SUCO: variants seen among roughly 807,000 people sequenced by gnomAD.
SUCO encodes the protein SUN domain containing ossification factor, also known as SUN domain-containing ossification factor.
Under a neutral mutation model 148.1 loss-of-function variants are expected in SUCO, and 57 were observed. That is an observed-to-expected ratio of 0.38 (90% CI 0.31 to 0.48). The LOEUF is 0.48. SUCO is among the 20% of genes least tolerant of loss of function. The pLI, the probability that SUCO is intolerant of heterozygous loss-of-function variation, is 0.96. For synonymous variants in SUCO, 470 were observed against 502.7 expected, an observed-to-expected ratio of 0.93 and a Z score of 0.87; for missense variants, 1,331 against 1,468.2, an observed-to-expected ratio of 0.91 and a Z score of 1.53.
intron 11 of SUCO, chr1:172,576,795 C>A: frequency 3.4e-6 from 2 of 585,606 alleles, no homozygotes; most frequent in Non-Finnish European, 4.3e-6. Context: ...AGAATTGAGT[C>A]TAAAGGCAAG....
chr1:172,532,477 G>A (rs75760494), upstream of SUCO: 1 of 1,611,910 alleles, frequency 6.2e-7, no homozygotes, highest in Non-Finnish European at 8.5e-7. Context: ...AATCAGATGA[G>A]AGGATTCTTG....
chr1:172,538,088 C>CA (rs1652159898), intron 1 of SUCO, among the ~76,000 whole-genome samples: 1 of 152,168 alleles, frequency 6.6e-6, no homozygotes, highest in Admixed American at 6.5e-5. Flanking sequence ...AACCACCTGA[C>CA]AGAGGATGAG....
chr1:172,569,665 C>G (rs1208585616), intron 7 of SUCO, among the ~76,000 whole-genome samples: 3 of 151,730 alleles, frequency 2.0e-5, no homozygotes, highest in Non-Finnish European at 4.4e-5. Context: ...TGTAACAAAC[C>G]TGCACATCTT....
intron 17 of SUCO, among the ~76,000 whole-genome samples, chr1:172,586,441 A>C (rs1299222084): frequency 6.6e-6 from 1 of 152,194 alleles, no homozygotes; most frequent in East Asian, 1.9e-4. Context: ...CCCAGGTTGC[A>C]GTGGGGACAC....
intron 4 of SUCO, 152 bp from the exon 5 acceptor site, chr1:172,557,128 A>C: frequency 7.2e-7 from 1 of 1,393,986 alleles, no homozygotes; most frequent in Non-Finnish European, 9.3e-7. Context: ...GCTGAGGACA[A>C]TAACAGATCA....
At chr1:172,558,588 G>A (rs562155673) in intron 6 of SUCO, among the ~76,000 whole-genome samples, 5 of 152,082 alleles carry the variant, frequency 3.3e-5, no homozygotes, top group African/African-American at 9.6e-5. Flanking sequence ...CTTCACTTAC[G>A]ACTAACTAAA....
At chr1:172,593,094 G>C (rs530822463) in intron 19 of SUCO, among the ~76,000 whole-genome samples, 1 of 152,128 alleles carries the variant, frequency 6.6e-6, no homozygotes, top group South Asian at 2.1e-4. Context: ...TTGGTGTATA[G>C]GAATGCTTGT....
At chr1:172,599,496 G>T (rs1657360282) in intron 19 of SUCO, 1 of 571,534 alleles carries the variant, frequency 1.7e-6, no homozygotes, top group Non-Finnish European at 2.2e-6. Flanking sequence ...AAAACAGATG[G>T]AAAGATAGGC....
intron 19 of SUCO, among the ~76,000 whole-genome samples, chr1:172,594,760 T>G (rs1358595210): frequency 6.6e-6 from 1 of 152,224 alleles, no homozygotes; most frequent in Non-Finnish European, 1.5e-5. Flanking sequence ...TTTGTTGATT[T>G]AGGGTGGAGA....
Position 172,579,256 on chromosome 1 carries a change from G to A in SUCO, c.1487G>A (p.Gly496Asp), listed in dbSNP as rs974212882. The change falls in exon 15 of 24, where the codon GGT (glycine) becomes GAT (aspartate). Residue 496 changes from glycine to aspartate, a missense_variant. Gly to Asp is a moderately conservative substitution (Grantham distance 94). Transcript: ENST00000263688. ...GATAAATCCTCAAAAAATCTTCTTG[G>A]TTCTGCTACAAGTGAGTATTTTGAG... ...GEDKSSKNLL[G>D]SATNAILNMV... 6.3e-7 allele frequency: 1 copy of A among 1,596,168 alleles called. No individual in the cohort carries two copies. Among genetic ancestry groups the A allele is most frequent in the Non-Finnish European group, 8.6e-7 (1 of 1,165,804 alleles).
chr1:172,570,020 ATATT>A lies in SUCO; in HGVS notation c.857-23_857-20del, dbSNP rs577574808. 504 of 1,360,952 alleles carry A rather than the reference ATATT, an allele frequency of 3.7e-4. 5 individuals carry two copies. The African/African-American group carries it at 7.2e-3, about 20-fold the overall frequency. 84.3% of individuals were successfully genotyped at this position (1,360,952 alleles called of 1,614,324 possible). ...TCATAATCATCAAATATATATATAAATATTTATAATAACGGTTTGTCTGCAGGTC... is the reference window on the plus strand; with the variant it reads ...TCATAATCATCAAATATATATATAAATATAATAACGGTTTGTCTGCAGGTC... On this transcript the variant is annotated intron_variant, in intron 7 of 23. Transcript: ENST00000263688.
intron 17 of SUCO, chr1:172,588,550 A>G: frequency 1.0e-6 from 1 of 985,186 alleles, no homozygotes. Flanking sequence ...CTGGCTAGTC[A>G]CTTGATAAAT....
intron 1 of SUCO, among the ~76,000 whole-genome samples, chr1:172,547,701 T>C (rs765193526): frequency 1.2e-4 from 18 of 152,152 alleles, no homozygotes; most frequent in Non-Finnish European, 1.9e-4. Context: ...CAGGACATGA[T>C]CATAGATTTA....
In SUCO at chr1:172,588,859, G is replaced by A. The variant is rs900492687; in HGVS notation, c.1758G>A (p.Glu586=). The A allele has an allele frequency of 3.1e-6, 5 of 1,613,040 alleles. No homozygotes were observed. Among genetic ancestry groups the A allele is most frequent in the Non-Finnish European group, 3.4e-6 (4 of 1,179,566 alleles). ...PIVQLVQEEE[E]EASPSTVTLL... ...TACAGTTAGTTCAAGAGGAGGAAGAGGAGGCAAGTCCATCTACAGTGACCC... is the reference window on the plus strand; with the variant it reads ...TACAGTTAGTTCAAGAGGAGGAAGAAGAGGCAAGTCCATCTACAGTGACCC... The change falls in exon 18 of 24, where the codon GAG becomes GAA. Residue 586 remains glutamate, a synonymous_variant. Transcript: ENST00000263688.
Position 172,603,620 on chromosome 1 carries a change from T to C in SUCO, c.3265+833T>C, listed in dbSNP as rs187663189. ...TTCTTTTTCTTTTGGTTGATATGTC[T>C]TTTTATAAGTGAAATTTTTAATTTA... On this transcript the variant is annotated intron_variant, in intron 22 of 23. Transcript: ENST00000263688. Among the ~76,000 whole-genome samples the C allele has an allele frequency of 3.0e-4, 46 of 152,096 alleles. No homozygotes were observed. The Middle Eastern group carries it at 0.01, about 34-fold the overall frequency.
At chr1:172,543,455 A>G (rs928527814) in intron 1 of SUCO, among the ~76,000 whole-genome samples, 4 of 152,216 alleles carry the variant, frequency 2.6e-5, no homozygotes, top group African/African-American at 7.2e-5. Flanking sequence ...TATTTCCAGC[A>G]TCTTAGAGGA....
At position 172,600,549 on chromosome 1, in the gene SUCO, G is replaced by A. The variant is rs550819903; in HGVS notation, c.3018+381G>A. On this transcript the variant is annotated intron_variant, in intron 20 of 23. Coordinates refer to ENST00000263688, the MANE Select transcript of SUCO (RefSeq NM_014283.5). Reference sequence around the variant, plus strand: ...AGCATCTAGTGTATGTGAAGTGCGAGCTGTACACTCCTAGGTTGTGGTATA... The same window carrying A: ...AGCATCTAGTGTATGTGAAGTGCGAACTGTACACTCCTAGGTTGTGGTATA... 5.3e-5 allele frequency among the ~76,000 whole-genome samples: 8 copies of A among 152,284 alleles called. No individual in the cohort carries two copies. In the East Asian group the frequency reaches 9.6e-4, roughly 18 times the overall value.
At chr1:172,574,749 CTT>C (rs1381601283) in intron 10 of SUCO, 1 of 252,180 alleles carries the variant, frequency 4.0e-6, no homozygotes, top group Non-Finnish European at 6.3e-6. Flanking sequence ...GATGCTGTTT[CTT>C]TATGGAACTG....
At position 172,610,401 on chromosome 1, in the gene SUCO, G is replaced by C; in HGVS notation, c.*142G>C. The C allele has an allele frequency of 3.0e-6, 4 of 1,317,134 alleles. No individual in the cohort carries two copies. Among genetic ancestry groups the C allele is most frequent in the Non-Finnish European group, 4.0e-6 (4 of 1,000,790 alleles). 81.6% of individuals were successfully genotyped at this position (1,317,134 alleles called of 1,614,324 possible). ...ATTATGGTTTCTACCTTTTTAAAAA[G>C]TAGATGGGATTGTGTCAATCTTGGT... On this transcript the variant is annotated 3_prime_UTR_variant, in exon 24 of 24. Coordinates refer to ENST00000263688, the MANE Select transcript of SUCO (RefSeq NM_014283.5).
Sources: allele counts gnomAD v4.1 joint callset (sites outside exome capture counted in the v4.1 genomes callset), GRCh38; gene constraint gnomAD v4.1.1; transcripts MANE v1.5; gene names NCBI Gene and HGNC (gene_info 2026-07-23, HGNC 2026-07-21).